Variants in SANBR observed in about 807,000 individuals in gnomAD.
SANBR encodes the protein SANT and BTB domain regulator of CSR.
SANBR carries 77 observed loss-of-function variants against 101.8 expected under a neutral mutation model. That is an observed-to-expected ratio of 0.76 (90% CI 0.63 to 0.91). The LOEUF is 0.91. SANBR is among the 40% of genes least tolerant of loss of function. The pLI is 0.00. For synonymous variants in SANBR, 279 were observed against 274.7 expected (o/e 1.02, Z -0.15); for missense variants, 875 against 853.0 (o/e 1.03, Z -0.32).
chr2:61,085,663 A>G (rs2104884558), intron 8 of SANBR, among the ~76,000 whole-genome samples: 1 of 151,844 alleles, frequency 6.6e-6, no homozygotes, highest in South Asian at 2.1e-4. Flanking sequence ...GGCACCCACC[A>G]CCACACCCAG....
chr2:61,107,490 A>G (rs1414727233), intron 14 of SANBR, among the ~76,000 whole-genome samples: 1 of 152,202 alleles, frequency 6.6e-6, no homozygotes, highest in Non-Finnish European at 1.5e-5. Flanking sequence ...CTTTGTTACT[A>G]AGGACCAGGG....
intron 10 of SANBR, 123 bp from the exon 11 acceptor site, chr2:61,092,341 G>A: frequency 3.2e-6 from 2 of 623,156 alleles, no homozygotes; most frequent in South Asian, 4.0e-5. Flanking sequence ...CCAAGATCAT[G>A]CCATTGCACT....
At chr2:61,102,116 G>A (rs994576556) in intron 12 of SANBR, among the ~76,000 whole-genome samples, 4 of 152,082 alleles carry the variant, frequency 2.6e-5, no homozygotes, top group African/African-American at 7.2e-5. Context: ...GCTCACACCT[G>A]TAATCCCAGC....
At chr2:61,088,085 C>A in intron 8 of SANBR, 74 bp from the exon 9 acceptor site, 1 of 736,006 alleles carries the variant, frequency 1.4e-6, no homozygotes, top group Non-Finnish European at 2.2e-6. Flanking sequence ...TACAAATGCA[C>A]AGATTGGTTT....
chr2:61,092,781 GT>G (rs1389088689), intron 11 of SANBR, among the ~76,000 whole-genome samples, 194 bp downstream of exon 11: 1 of 151,884 alleles, frequency 6.6e-6, no homozygotes, highest in Non-Finnish European at 1.5e-5. Context: ...CAGGTGGATC[GT>G]TTTAGCCCAG....
chr2:61,089,296 A>ACTT, intron 10 of SANBR: 3 of 524,272 alleles, frequency 5.7e-6, no homozygotes, highest in Non-Finnish European at 7.3e-6. Context: ...GGATCACCTG[A>ACTT]GGTGAGGAGT....
intron 11 of SANBR, among the ~76,000 whole-genome samples, chr2:61,095,721 A>T (rs1222601464): frequency 1.3e-5 from 2 of 152,114 alleles, no homozygotes; most frequent in African/African-American, 4.8e-5. Context: ...AACTCTCTCA[A>T]CAAGGGCCCA....
intron 6 of SANBR, among the ~76,000 whole-genome samples, chr2:61,080,564 T>C (rs1682061421): frequency 6.6e-6 from 1 of 151,944 alleles, no homozygotes; most frequent in Non-Finnish European, 1.5e-5. Context: ...CTACTAAAAA[T>C]ACAAAAATTA....
intron 4 of SANBR, among the ~76,000 whole-genome samples, chr2:61,072,617 C>T (rs1479623215): frequency 6.6e-6 from 1 of 151,610 alleles, no homozygotes; most frequent in Admixed American, 6.6e-5. Flanking sequence ...TTTTTAAATG[C>T]TAAAATATAG....
downstream of SANBR, among the ~76,000 whole-genome samples, chr2:61,126,221 C>G (rs976529162): frequency 6.6e-6 from 1 of 152,200 alleles, no homozygotes; most frequent in African/African-American, 2.4e-5. Context: ...AGGCAAATAT[C>G]TAGAAAGTAT....
chr2:61,121,259 C>G lies in SANBR; in HGVS notation c.2103C>G (p.Ser701Arg), dbSNP rs1239755658. Residue 701 changes from serine (S) to arginine (R), a missense_variant, in exon 21 of 22, where the codon AGC becomes AGG. By Grantham distance (110) the Ser-to-Arg change is moderately radical. Coordinates refer to ENST00000402291, the MANE Select transcript of SANBR (RefSeq NM_001129993.3). ...TGCCAGTTAGTGCACGCCAAAGCAG[C>G]TCAGAGAAAAACACAAGGTAAATCA... ...ASVPVSARQSSSEKNTRSKSR... is the reference protein window; with the variant it reads ...ASVPVSARQSRSEKNTRSKSR... 2 of 1,550,658 alleles carry G rather than the reference C, an allele frequency of 1.3e-6. No individual in the cohort carries two copies. The highest frequency in any genetic ancestry group is 1.7e-6 in the Non-Finnish European group (2 of 1,146,352).
intron 11 of SANBR, chr2:61,094,071 G>C: frequency 1.0e-6 from 1 of 983,500 alleles, no homozygotes; most frequent in Non-Finnish European, 1.2e-6. Flanking sequence ...AAAATCTTCA[G>C]ATTGGGATTT....
At chr2:61,100,291 G>C (rs1683222132) in intron 12 of SANBR, among the ~76,000 whole-genome samples, 1 of 152,160 alleles carries the variant, frequency 6.6e-6, no homozygotes, top group Non-Finnish European at 1.5e-5. Flanking sequence ...TCTTAGTAGA[G>C]ATGGAGTCTC....
intron 8 of SANBR, among the ~76,000 whole-genome samples, chr2:61,086,306 A>AACTTT (rs1189874948): frequency 1.3e-5 from 2 of 151,992 alleles, no homozygotes; most frequent in Non-Finnish European, 1.5e-5. Context: ...GGAATTAACA[A>AACTTT]GTGTGAGCCA....
rs575242535 is a variant in SANBR, at chr2:61,123,507, C to T, written c.*1345C>T. 3 of 972,344 alleles carry T rather than the reference C, an allele frequency of 3.1e-6. No homozygotes were observed. Among genetic ancestry groups the T allele is most frequent in the African/African-American group, 1.8e-5 (1 of 57,000 alleles). The allele number at this position is 972,344 out of a possible 1,614,324, so 60.2% of individuals were successfully genotyped here. ...TTATATTTGTTTCAATTGTTTGATA[C>T]TGTGGAAATAGACTTTTATTTTCGA... On this transcript the variant is annotated 3_prime_UTR_variant, in exon 22 of 22. Transcript: ENST00000402291.
At chr2:61,134,196 G>GAGC in exon 21 of SANBR, 1 of 1,613,002 alleles carries the variant, frequency 6.2e-7, no homozygotes. Context: ...AAAGTGGTTT[G>GAGC]AGCAGTGTGC....
downstream of SANBR, among the ~76,000 whole-genome samples, chr2:61,129,158 A>ATT (rs1469138868): frequency 3.3e-5 from 5 of 152,106 alleles, no homozygotes; most frequent in African/African-American, 1.2e-4. Flanking sequence ...AAAGTTATTG[A>ATT]GGCATCCGGG....
chr2:61,092,604 TA>T lies in SANBR; in HGVS notation c.1212+20del. 12 of 1,549,060 alleles carry T rather than the reference TA, an allele frequency of 7.7e-6. No homozygotes were observed. Among genetic ancestry groups the T allele is most frequent in the Non-Finnish European group, 9.6e-6 (11 of 1,145,048 alleles). Reference sequence around the variant, plus strand: ...TGTTATCAGGTAAGATTTTTTTTTTTAAATATCCTGCTCTGCAAATATTGAG... The same window carrying T: ...TGTTATCAGGTAAGATTTTTTTTTTTAATATCCTGCTCTGCAAATATTGAG... On this transcript the variant is annotated intron_variant, in intron 11 of 21. Coordinates refer to ENST00000402291, the MANE Select transcript of SANBR (RefSeq NM_001129993.3).
intron 8 of SANBR, among the ~76,000 whole-genome samples, 187 bp from the exon 9 acceptor site, chr2:61,087,972 A>G (rs1682532500): frequency 6.6e-6 from 1 of 152,150 alleles, no homozygotes; most frequent in African/African-American, 2.4e-5. Context: ...GAACTGCTTT[A>G]TTTTATTTAC....
Sources: allele counts gnomAD v4.1 joint callset (sites outside exome capture counted in the v4.1 genomes callset), GRCh38; gene constraint gnomAD v4.1.1; transcripts MANE v1.5; gene names NCBI Gene and HGNC (gene_info 2026-07-23, HGNC 2026-07-21).